The following HMGB1 variants were observed in gnomAD, a reference collection of about 807,000 sequenced individuals.
HMGB1 encodes high mobility group protein B1.
For synonymous variants in HMGB1, 81 were observed against 84.0 expected (o/e 0.96, Z 0.19); for missense variants, 79 against 253.5 (o/e 0.31, Z 4.67).
At chr13:30,552,806 G>A (rs774650625) in intron 1 of HMGB1, among the ~76,000 whole-genome samples, 72 of 152,150 alleles carry the variant, frequency 4.7e-4, no homozygotes, top group Admixed American at 6.5e-5. Flanking sequence ...AATATATCAC[G>A]TGTTCTCAAT....
intron 1 of HMGB1, among the ~76,000 whole-genome samples, chr13:30,515,111 A>G (rs1164346819): frequency 6.6e-6 from 1 of 152,226 alleles, no homozygotes; most frequent in East Asian, 1.9e-4. Flanking sequence ...GCACAAGAAG[A>G]CTAGGACTCG....
intron 1 of HMGB1, among the ~76,000 whole-genome samples, chr13:30,565,559 A>G (rs1470503644): frequency 6.6e-6 from 1 of 152,140 alleles, no homozygotes; most frequent in South Asian, 2.1e-4. Context: ...TTAGAACTTC[A>G]TTTGTGTTGC....
chr13:30,485,188 C>T (rs919747448), intron 1 of HMGB1, among the ~76,000 whole-genome samples: 10 of 151,934 alleles, frequency 6.6e-5, no homozygotes, highest in Non-Finnish European at 1.3e-4. Flanking sequence ...TGAGCCACCA[C>T]GCCCAGTTAA....
intron 2 of HMGB1, 65 bp downstream of exon 2, chr13:30,463,466 T>G: frequency 6.4e-7 from 1 of 1,560,014 alleles, no homozygotes; most frequent in Non-Finnish European, 8.7e-7. Context: ...ACTAGGCTTT[T>G]TTTTGCATCC....
intron 1 of HMGB1, among the ~76,000 whole-genome samples, chr13:30,515,622 T>G (rs1373912433): frequency 6.6e-6 from 1 of 151,820 alleles, no homozygotes; most frequent in East Asian, 1.9e-4. Flanking sequence ...CATTAAAAAC[T>G]ATTTTAACAA....
intron 1 of HMGB1, among the ~76,000 whole-genome samples, chr13:30,585,921 C>T (rs1566032704): frequency 6.6e-6 from 1 of 152,126 alleles, no homozygotes; most frequent in Non-Finnish European, 1.5e-5. Context: ...TCAGGAGTTG[C>T]TTGTTTCCTC....
At position 30,560,119 on chromosome 13, in the gene HMGB1, C is replaced by T. The variant is rs555853282; in HGVS notation, c.-15+56552G>A. ...AGAGATTATATCCCACCTACCACTG[C>T]AGCTCCAGGATCCAGCTTCACAAAC... On this transcript the variant is annotated intron_variant, in intron 1 of 4. Transcript: ENST00000405805. 2.0e-3 allele frequency among the ~76,000 whole-genome samples: 298 copies of T among 152,250 alleles called. 1 individual carries two copies. Among genetic ancestry groups the T allele is most frequent in the Non-Finnish European group, 3.4e-3 (234 of 68,026 alleles).
At chr13:30,615,352 T>C (rs1950550695) in intron 1 of HMGB1, among the ~76,000 whole-genome samples, 1 of 152,258 alleles carries the variant, frequency 6.6e-6, no homozygotes. Context: ...GGATGTGTTT[T>C]AGAAATAAGA....
intron 1 of HMGB1, among the ~76,000 whole-genome samples, chr13:30,515,391 T>C (rs909847331): frequency 6.6e-6 from 1 of 152,238 alleles, no homozygotes; most frequent in African/African-American, 2.4e-5. Context: ...AACTGTGTGC[T>C]AATACGTGGG....
chr13:30,483,364 C>G (rs1340167075), intron 1 of HMGB1, among the ~76,000 whole-genome samples: 1 of 152,046 alleles, frequency 6.6e-6, no homozygotes, highest in Non-Finnish European at 1.5e-5. Flanking sequence ...CCTCCTTTCC[C>G]TCACTCCCCG....
upstream of HMGB1, among the ~76,000 whole-genome samples, chr13:30,466,342 A>T (rs928939585): frequency 2.7e-5 from 4 of 147,288 alleles, no homozygotes; most frequent in African/African-American, 1.0e-4. Flanking sequence ...CCGTTGAGAT[A>T]AGAGGCCCCA....
chr13:30,511,855 G>C (rs1247341317), intron 1 of HMGB1, among the ~76,000 whole-genome samples: 1 of 152,116 alleles, frequency 6.6e-6, no homozygotes, highest in East Asian at 1.9e-4. Context: ...CTACTATTCA[G>C]AGGACAAGTC....
At chr13:30,548,210 C>T (rs1274350484) in intron 1 of HMGB1, among the ~76,000 whole-genome samples, 21 of 152,084 alleles carry the variant, frequency 1.4e-4, no homozygotes, top group Admixed American at 1.4e-3. Flanking sequence ...TACCCTCATG[C>T]TGTTCTTGTG....
chr13:30,467,157 A>C (rs1886812032), upstream of HMGB1, among the ~76,000 whole-genome samples: 1 of 152,178 alleles, frequency 6.6e-6, no homozygotes, highest in Non-Finnish European at 1.5e-5. Flanking sequence ...CCTTTATGAA[A>C]CTACTATCTA....
At chr13:30,590,022 A>C (rs1164559348) in intron 1 of HMGB1, among the ~76,000 whole-genome samples, 8 of 152,050 alleles carry the variant, frequency 5.3e-5, no homozygotes, top group Non-Finnish European at 8.8e-5. Context: ...GTGAGAGGAG[A>C]CCACCCTAAG....
chr13:30,608,710 C>T (rs1246329416), intron 1 of HMGB1, among the ~76,000 whole-genome samples: 2 of 152,190 alleles, frequency 1.3e-5, no homozygotes, highest in Admixed American at 6.5e-5. Context: ...TAGAAAAACT[C>T]GAATTTTAAA....
intron 1 of HMGB1, among the ~76,000 whole-genome samples, chr13:30,562,526 T>C (rs1022321295): frequency 4.2e-5 from 6 of 142,448 alleles, no homozygotes; most frequent in Non-Finnish European, 6.5e-5. Context: ...AACTTACTTT[T>C]ATATTACAGT....
chr13:30,592,315 A>G (rs1038299950), intron 1 of HMGB1, among the ~76,000 whole-genome samples: 3 of 152,180 alleles, frequency 2.0e-5, no homozygotes, highest in Admixed American at 2.0e-4. Flanking sequence ...TATTAAGAAA[A>G]TGTACAACAC....
intron 1 of HMGB1, among the ~76,000 whole-genome samples, chr13:30,548,020 T>C (rs572860453): frequency 1.3e-5 from 2 of 152,340 alleles, no homozygotes; most frequent in African/African-American, 4.8e-5. Context: ...TTTTATCTAA[T>C]GGTGTTTTTC....
Sources: gnomAD v4.1 joint callset for allele counts (sites outside exome capture counted in the v4.1 genomes callset) on GRCh38, gnomAD v4.1.1 for gene constraint, MANE v1.5 for transcripts, NCBI Gene and HGNC (gene_info 2026-07-23, HGNC 2026-07-21) for gene names.